Variants in SPEG observed in about 807,000 individuals in gnomAD.
SPEG encodes striated muscle preferentially expressed protein kinase.
A neutral mutation model predicts 300.4 loss-of-function variants in SPEG; 114 were observed. The observed-to-expected ratio is 0.38, with a 90% CI of 0.33 to 0.44. The LOEUF is 0.44. Among genes scored for constraint, SPEG ranks in the 20% least tolerant of loss-of-function variants. SPEG has a pLI of 1.00. For missense variants in SPEG, 4,201 were observed against 4,586.2 expected (o/e 0.92, Z 2.43); for synonymous variants, 1,964 against 2,018.9 (o/e 0.97, Z 0.73).
At position 219,467,349 on chromosome 2, in the gene SPEG, C is replaced by T. The variant is rs1028879990; in HGVS notation, c.3057C>T (p.Phe1019=). 21 of 1,612,202 alleles carry T rather than the reference C, an allele frequency of 1.3e-5. No individual in the cohort carries two copies. Among genetic ancestry groups the T allele is most frequent in the African/African-American group, 6.7e-5 (5 of 74,930 alleles). The change falls in exon 10 of 41, where the codon TTC becomes TTT. Residue 1019 remains phenylalanine, a synonymous_variant. Transcript: ENST00000312358. ...CACTGCTCAAATGCAAGATGCATTT[C>T]GATGGCCGCAAATGCAAGCTGCTAC... The part of the protein sequence containing the change: ...QPALLKCKMH[F]DGRKCKLLLT...
In SPEG at chr2:219,460,475, C is replaced by T. The variant is rs2125386371; in HGVS notation, c.2441-1407C>T. 3 of 985,428 alleles carry T rather than the reference C, an allele frequency of 3.0e-6. No individual in the cohort carries two copies. In the South Asian group the frequency reaches 1.4e-4, roughly 46 times the overall value. 61.0% of individuals were successfully genotyped at this position (985,428 alleles called of 1,614,324 possible). A position where few individuals can be genotyped will look rare whatever the true frequency, so the allele number is the denominator to read the frequency against. ...GAACAAATGGGTCAGGGCAAGTGTC[C>T]CTATTGGCACAGCGCAGTGCCACCC... On this transcript the variant is annotated intron_variant, in intron 6 of 40. Transcript: ENST00000312358.
chr2:219,434,952 T>C lies in SPEG; in HGVS notation c.-26T>C. The C allele has an allele frequency of 5.4e-6, 8 of 1,471,852 alleles. No individual in the cohort carries two copies. In the Admixed American group the frequency reaches 7.2e-5, roughly 13 times the overall value. 91.2% of individuals were successfully genotyped at this position (1,471,852 alleles called of 1,614,324 possible). On this transcript the variant is annotated 5_prime_UTR_variant, in exon 1 of 41. Coordinates refer to ENST00000312358, the MANE Select transcript of SPEG (RefSeq NM_005876.5). ...CCCCCGTGGCCGCCCAGTTCCGGCGTCCCCCCAGCCCAGCTCTCAGTGGCC... is the reference window on the plus strand; with the variant it reads ...CCCCCGTGGCCGCCCAGTTCCGGCGCCCCCCCAGCCCAGCTCTCAGTGGCC...
intron 8 of SPEG, 44 bp downstream of exon 8, chr2:219,462,430 A>G (rs1690806932): frequency 6.7e-7 from 1 of 1,488,720 alleles, no homozygotes; most frequent in Non-Finnish European, 9.2e-7. Flanking sequence ...ACTCTATGCC[A>G]GGCCTGGCTC....
At chr2:219,438,127 G>C (rs1347941972) in intron 1 of SPEG, among the ~76,000 whole-genome samples, 1 of 152,132 alleles carries the variant, frequency 6.6e-6, no homozygotes, top group African/African-American at 2.4e-5. Context: ...ATGGGAAACT[G>C]GGGGTGGTGG....
At chr2:219,485,225 G>A in intron 30 of SPEG, 121 bp from the exon 31 acceptor site, 1 of 1,491,588 alleles carries the variant, frequency 6.7e-7, no homozygotes, top group Non-Finnish European at 9.1e-7. Context: ...AGGAAAGCAG[G>A]AATGGCGGCA....
rs919837158 is a variant in SPEG at position 219,477,849 on chromosome 2, G to T, written c.4827-56G>T. The T allele has an allele frequency of 6.5e-5, 104 of 1,599,180 alleles. No homozygotes were observed. In the Admixed American group the frequency reaches 1.7e-3, roughly 27 times the overall value. On this transcript the variant is annotated intron_variant, in intron 21 of 40. Coordinates refer to ENST00000312358, the MANE Select transcript of SPEG (RefSeq NM_005876.5). This position sits in a 1 kb window ranked among gnomAD's most constrained non-coding sequence, Gnocchi z 6.4. Reference sequence around the variant, plus strand: ...GGCTGCTGGGTCTGAGGGTTGGGAGGGGTGGAGAGGGCCACAGTGATGGCT... The same window carrying T: ...GGCTGCTGGGTCTGAGGGTTGGGAGTGGTGGAGAGGGCCACAGTGATGGCT...
chr2:219,451,020 A>C lies in SPEG; in HGVS notation c.2114-116A>C. ...TCTTCTCCCCAAGTCCCTGCTTTCT[A>C]GAAGCCCCTCTGTCTGGGTTTGGCT... On this transcript the variant is annotated intron_variant, in intron 4 of 40. Coordinates refer to ENST00000312358, the MANE Select transcript of SPEG (RefSeq NM_005876.5). The surrounding 1 kb of genome is among the most constrained non-coding windows in gnomAD (Gnocchi z 6.4). 1 of 1,079,018 alleles carries C rather than the reference A, an allele frequency of 9.3e-7. No homozygotes were observed. 66.8% of individuals were successfully genotyped at this position (1,079,018 alleles called of 1,614,324 possible). A position where few individuals can be genotyped will look rare whatever the true frequency, so the allele number is the denominator to read the frequency against.
intron 13 of SPEG, among the ~76,000 whole-genome samples, 161 bp downstream of exon 13, chr2:219,469,540 C>A (rs1320925486): frequency 1.3e-5 from 2 of 152,158 alleles, no homozygotes; most frequent in South Asian, 4.1e-4. Context: ...GAGGTCATTG[C>A]CTCCCCTGCA....
chr2:219,482,526 A>C, intron 28 of SPEG: 1 of 491,648 alleles, frequency 2.0e-6, no homozygotes, highest in Non-Finnish European at 3.7e-6. Context: ...GTGGAAGCTC[A>C]GAAGCCTACC....
At chr2:219,467,613 G>A (rs1691492128) in intron 10 of SPEG, among the ~76,000 whole-genome samples, 179 bp downstream of exon 10, 1 of 152,262 alleles carries the variant, frequency 6.6e-6, no homozygotes, top group Admixed American at 6.5e-5. Flanking sequence ...ATAGTGCATA[G>A]CACAAAGGAA....
chr2:219,458,942 C>A lies in SPEG; in HGVS notation c.2441-2940C>A, dbSNP rs1690412505. Among the ~76,000 whole-genome samples the A allele has an allele frequency of 6.6e-6, 1 of 152,130 alleles. No homozygotes were observed. Among genetic ancestry groups the A allele is most frequent in the Admixed American group, 6.5e-5 (1 of 15,276 alleles). ...CTGAAGCAAAGGGCTGTGTGCGACA[C>A]CTTTTATGTACTAGATAATTCGCAG... On this transcript the variant is annotated intron_variant, in intron 6 of 40. Transcript: ENST00000312358. The surrounding 1 kb of genome is among the most constrained non-coding windows in gnomAD (Gnocchi z 4.2).
At position 219,488,560 on chromosome 2, in the gene SPEG, C is replaced by T. The variant is rs1267241639; in HGVS notation, c.7921C>T (p.Leu2641=). ...IIVSCKDGRQ[L]LSIPRAGKRH... is the part of the protein sequence containing the mutation. Reference sequence around the variant, plus strand: ...CGTGTCCTGCAAAGATGGGCGGCAGCTGCTCAGCATCCCCCGGGCGGGCAA... The same window carrying T: ...CGTGTCCTGCAAAGATGGGCGGCAGTTGCTCAGCATCCCCCGGGCGGGCAA... The change falls in exon 33 of 41, where the codon CTG becomes TTG. Residue 2641 remains leucine, a synonymous_variant. Transcript: ENST00000312358. 6.2e-7 allele frequency: 1 copy of T among 1,611,172 alleles called. No individual in the cohort carries two copies. The highest frequency in any genetic ancestry group is 8.5e-7 in the Non-Finnish European group (1 of 1,178,868).
At chr2:219,486,671 T>TCCC (rs962256803) in intron 31 of SPEG, among the ~76,000 whole-genome samples, 1 of 151,774 alleles carries the variant, frequency 6.6e-6, no homozygotes, top group Non-Finnish European at 1.5e-5. Context: ...CCTCATCCGC[T>TCCC]CCCCGTTCCC....
Position 219,473,657 on chromosome 2 carries a change from A to AGGTCTGGCCC in SPEG, c.4271+31_4271+40dup. The AGGTCTGGCCC allele has an allele frequency of 6.2e-7, 1 of 1,614,034 alleles. No individual in the cohort carries two copies. Among genetic ancestry groups the AGGTCTGGCCC allele is most frequent in the African/African-American group, 1.3e-5 (1 of 75,062 alleles). ...GCCCCTTTCCCACATGTGGCAGCCC[A>AGGTCTGGCCC]GGTCTGGCCCAGCCTGGCCGGAATG... On this transcript the variant is annotated intron_variant, in intron 17 of 40. Coordinates refer to ENST00000312358, the MANE Select transcript of SPEG (RefSeq NM_005876.5). This position sits in a 1 kb window ranked among gnomAD's most constrained non-coding sequence, Gnocchi z 4.6.
chr2:219,453,628 G>C (rs1452857217), intron 6 of SPEG, among the ~76,000 whole-genome samples: 3 of 152,174 alleles, frequency 2.0e-5, no homozygotes, highest in African/African-American at 7.2e-5. Flanking sequence ...CGGCACCTCT[G>C]CCCTGGGGAG....
intron 4 of SPEG, among the ~76,000 whole-genome samples, chr2:219,450,441 A>C (rs1689658775): frequency 6.6e-6 from 1 of 152,162 alleles, no homozygotes. Flanking sequence ...GGAATGTCAG[A>C]GTTGGAGAAT....
At chr2:219,485,812 A>G (rs1459750133) in intron 31 of SPEG, among the ~76,000 whole-genome samples, 1 of 152,158 alleles carries the variant, frequency 6.6e-6, no homozygotes, top group Non-Finnish European at 1.5e-5. Flanking sequence ...CTGAAGTTGG[A>G]CTGTGTGACC....
At chr2:219,453,499 C>T (rs1444853258) in intron 6 of SPEG, among the ~76,000 whole-genome samples, 1 of 152,244 alleles carries the variant, frequency 6.6e-6, no homozygotes, top group African/African-American at 2.4e-5. Flanking sequence ...TTATCCTTCT[C>T]TGTCCCTTTC....
Position 219,445,067 on chromosome 2 carries a change from G to C in SPEG, c.721G>C (p.Ala241Pro). The change falls in exon 3 of 41, where the codon GCA (alanine) becomes CCA (proline). Residue 241 changes from alanine (A) to proline (P), a missense_variant. This residue lies in a region of SPEG where 1,258 missense variants were observed against 1,293.9 expected (regional missense o/e 0.97). Coordinates refer to ENST00000312358, the MANE Select transcript of SPEG (RefSeq NM_005876.5). This position sits in a 1 kb window ranked among gnomAD's most constrained non-coding sequence, Gnocchi z 6.1. ...VRASRANLVG[A>P]SWGSEDSLSV... ...GGCATCTCGAGCTAATCTGGTGGGC[G>C]CAAGCTGGGGGTCAGAGGATAGCCT... 1.2e-6 allele frequency: 2 copies of C among 1,605,076 alleles called. No homozygotes were observed. Among genetic ancestry groups the C allele is most frequent in the Non-Finnish European group, 1.7e-6 (2 of 1,175,852 alleles).
Sources: allele counts gnomAD v4.1 joint callset (sites outside exome capture counted in the v4.1 genomes callset), GRCh38; gene constraint gnomAD v4.1.1; regional missense constraint gnomAD v4.1.1; non-coding constraint Gnocchi (gnomAD v3.1); transcripts MANE v1.5; gene names NCBI Gene and HGNC (gene_info 2026-07-23, HGNC 2026-07-21).